ITGA1: variants seen among roughly 807,000 people sequenced by gnomAD.
ITGA1 encodes the protein integrin subunit alpha 1, also known as integrin alpha-1.
Under a neutral mutation model 145.9 loss-of-function variants are expected in ITGA1, and 85 were observed. That is an observed-to-expected ratio of 0.58 (90% CI 0.49 to 0.70). The LOEUF (loss-of-function observed/expected upper bound fraction) is 0.70. Ranked by LOEUF, ITGA1 falls within the 30% of genes least tolerant of loss-of-function variation. ITGA1 has a pLI of 0.00. For synonymous variants in ITGA1, 520 were observed against 495.3 expected, an observed-to-expected ratio of 1.05 and a Z score of -0.66; for missense variants, 1,351 against 1,418.7, an observed-to-expected ratio of 0.95 and a Z score of 0.77.
Position 52,925,286 on chromosome 5 carries a change from T to G in ITGA1, c.2412T>G (p.Phe804Leu). Reference protein sequence around the residue: ...LPNSVHEYIPFAKDCGNKEKC... With the variant: ...LPNSVHEYIPLAKDCGNKEKC... The stretch of plus-strand genomic sequence containing the variant: ...TCCTGTCATCATTTCAGATTCCCTT[T>G]GCCAAAGATTGTGGAAATAAGGAAA... Residue 804 changes from phenylalanine (F) to leucine (L), a missense_variant, in exon 19 of 29, where the codon TTT becomes TTG. By Grantham distance (22) the Phe-to-Leu change is conservative. Transcript: ENST00000282588. The G allele has an allele frequency of 6.2e-7, 1 of 1,613,618 alleles. No individual in the cohort carries two copies.
chr5:52,941,242 G>A (rs533343800), intron 26 of ITGA1, among the ~76,000 whole-genome samples: 2 of 152,234 alleles, frequency 1.3e-5, no homozygotes, highest in East Asian at 3.9e-4. Context: ...ATGAAGATAT[G>A]ACCGCACGTG....
intron 23 of ITGA1, among the ~76,000 whole-genome samples, chr5:52,936,470 G>T (rs963349085): frequency 6.6e-6 from 1 of 152,152 alleles, no homozygotes; most frequent in Non-Finnish European, 1.5e-5. Context: ...AGTCTGGAAG[G>T]CTCAGTTGGG....
intron 1 of ITGA1, among the ~76,000 whole-genome samples, chr5:52,847,454 T>C (rs1749355012): frequency 6.6e-6 from 1 of 152,186 alleles, no homozygotes; most frequent in Admixed American, 6.5e-5. Context: ...GGCTATATGG[T>C]GGTTTTAACA....
intron 24 of ITGA1, among the ~76,000 whole-genome samples, chr5:52,937,725 C>T (rs908089912): frequency 5.3e-5 from 8 of 152,210 alleles, no homozygotes; most frequent in Admixed American, 4.6e-4. Context: ...TAAAACAACA[C>T]AAATTTATTC....
At chr5:52,927,970 C>T (rs1276940281) in intron 20 of ITGA1, among the ~76,000 whole-genome samples, 1 of 152,116 alleles carries the variant, frequency 6.6e-6, no homozygotes, top group Admixed American at 6.6e-5. Context: ...AGGGAGACTG[C>T]TCACCCCTTC....
chr5:52,938,448 C>T (rs959864100), intron 24 of ITGA1, among the ~76,000 whole-genome samples: 3 of 151,998 alleles, frequency 2.0e-5, no homozygotes, highest in African/African-American at 7.3e-5. Context: ...TTAAAGTGTT[C>T]CCAGAAATCA....
chr5:52,845,162 T>C (rs1749313450), intron 1 of ITGA1, among the ~76,000 whole-genome samples: 1 of 152,048 alleles, frequency 6.6e-6, no homozygotes, highest in South Asian at 2.1e-4. Context: ...CCAAAACTGC[T>C]TGGTCTTATG....
intron 6 of ITGA1, among the ~76,000 whole-genome samples, chr5:52,874,531 G>T (rs1232726999): frequency 6.6e-6 from 1 of 152,064 alleles, no homozygotes; most frequent in Non-Finnish European, 1.5e-5. Context: ...TTTCATAAGA[G>T]ACTAATCCAA....
chr5:52,912,170 C>T (rs1304081055), intron 14 of ITGA1, among the ~76,000 whole-genome samples: 1 of 134,208 alleles, frequency 7.5e-6, no homozygotes, highest in Non-Finnish European at 1.6e-5. Flanking sequence ...TATAGCGTAT[C>T]TAGTATATAG....
chr5:52,881,166 G>T (rs1047969063), intron 6 of ITGA1, among the ~76,000 whole-genome samples: 6 of 152,314 alleles, frequency 3.9e-5, no homozygotes, highest in Admixed American at 3.9e-4. Context: ...CTGCAGCAAG[G>T]TTAGACAAAG....
At chr5:52,897,137 G>A (rs185712808) in intron 9 of ITGA1, among the ~76,000 whole-genome samples, 1 of 152,192 alleles carries the variant, frequency 6.6e-6, no homozygotes, top group East Asian at 1.9e-4. Flanking sequence ...TCCAACTTGA[G>A]CCTTGTGGAC....
intron 1 of ITGA1, among the ~76,000 whole-genome samples, chr5:52,845,470 T>G (rs908651047): frequency 5.3e-5 from 8 of 152,164 alleles, no homozygotes; most frequent in Non-Finnish European, 1.0e-4. Context: ...GGCCTGAGGT[T>G]CTGCATTATT....
chr5:52,836,958 A>G (rs1033640233), intron 1 of ITGA1, among the ~76,000 whole-genome samples: 3 of 152,170 alleles, frequency 2.0e-5, no homozygotes, highest in African/African-American at 7.2e-5. Flanking sequence ...AAACGAGAAA[A>G]TTATGAGGAA....
At position 52,918,812 on chromosome 5, in the gene ITGA1, T is replaced by C. The variant is rs1166677108; in HGVS notation, c.2069T>C (p.Met690Thr). 1.9e-6 allele frequency: 3 copies of C among 1,612,916 alleles called. No individual in the cohort carries two copies. Among genetic ancestry groups the C allele is most frequent in the Non-Finnish European group, 1.7e-6 (2 of 1,179,410 alleles). ...KVNIQKKNCH[M>T]EGKETVCINA... is the part of the protein sequence containing the mutation. ...AATATTCAAAAGAAAAACTGCCATATGGAGGGAAAGGAAACAGTATGCATA... is the reference window on the plus strand; with the variant it reads ...AATATTCAAAAGAAAAACTGCCATACGGAGGGAAAGGAAACAGTATGCATA... Residue 690 changes from methionine (M) to threonine (T), a missense_variant, in exon 16 of 29, where the codon ATG becomes ACG. By Grantham distance (81) the Met-to-Thr change is moderately conservative. Transcript: ENST00000282588.
chr5:52,908,443 A>G (rs1239287439), intron 12 of ITGA1, among the ~76,000 whole-genome samples: 3 of 152,204 alleles, frequency 2.0e-5, no homozygotes, highest in African/African-American at 4.8e-5. Context: ...TGAGAAGACA[A>G]TCTTCCAAGA....
chr5:52,922,719 A>G, intron 17 of ITGA1, 58 bp from the exon 18 acceptor site: 1 of 1,093,920 alleles, frequency 9.1e-7, no homozygotes, highest in Non-Finnish European at 1.4e-6. Flanking sequence ...AGACATAACA[A>G]GATCAGAACA....
intron 14 of ITGA1, among the ~76,000 whole-genome samples, chr5:52,912,349 GTATTATATATAGTGTATCCAGTA>G (rs1462916115): frequency 5.6e-5 from 8 of 141,932 alleles, no homozygotes; most frequent in Non-Finnish European, 9.2e-5. Flanking sequence ...TCCAGTATAT[GTATTATATATAGTGTATCCAGTA>G]TATGTATTAT....
At chr5:52,927,002 G>A (rs1367861779) in intron 19 of ITGA1, among the ~76,000 whole-genome samples, 1 of 152,026 alleles carries the variant, frequency 6.6e-6, no homozygotes, top group Non-Finnish European at 1.5e-5. Flanking sequence ...ACGTGGCAGT[G>A]TTATTTTTAC....
chr5:52,857,409 T>A (rs1459352193), intron 2 of ITGA1, among the ~76,000 whole-genome samples: 1 of 152,150 alleles, frequency 6.6e-6, no homozygotes, highest in Non-Finnish European at 1.5e-5. Flanking sequence ...TTTAGCCATA[T>A]GCAGATTGCC....
Sources: allele counts gnomAD v4.1 joint callset (sites outside exome capture counted in the v4.1 genomes callset), GRCh38; gene constraint gnomAD v4.1.1; transcripts MANE v1.5; gene names NCBI Gene and HGNC (gene_info 2026-07-23, HGNC 2026-07-21).